RPTOR: variants seen among roughly 807,000 people sequenced by gnomAD.
The protein encoded by RPTOR is regulatory associated protein of MTOR complex 1, also known as regulatory-associated protein of mTOR.
A neutral mutation model predicts 169.9 loss-of-function variants in RPTOR; 21 were observed. The observed-to-expected ratio is 0.12, with a 90% CI of 0.09 to 0.18. The LOEUF is 0.18. Among genes scored for constraint, RPTOR ranks in the 10% least tolerant of loss-of-function variants. The pLI is 1.00. For missense variants in RPTOR, 1,133 were observed against 1,855.9 expected (o/e 0.61, Z 7.16); for synonymous variants, 732 against 753.2 (o/e 0.97, Z 0.46).
At chr17:80,758,773 C>T (rs548193818) in intron 6 of RPTOR, among the ~76,000 whole-genome samples, 121 of 152,188 alleles carry the variant, frequency 8.0e-4, no homozygotes, top group African/African-American at 2.7e-3. Context: ...AGACTCTGCC[C>T]AGAGGCTCTG....
intron 6 of RPTOR, among the ~76,000 whole-genome samples, chr17:80,772,939 G>C (rs997886805): frequency 1.3e-5 from 2 of 152,172 alleles, no homozygotes; most frequent in Non-Finnish European, 2.9e-5. Flanking sequence ...ATTTGAACCG[G>C]GGTTTTCTGA....
intron 3 of RPTOR, among the ~76,000 whole-genome samples, chr17:80,705,418 A>G (rs759219142): frequency 6.6e-6 from 1 of 152,206 alleles, no homozygotes; most frequent in Non-Finnish European, 1.5e-5. Flanking sequence ...CTTTGCTTGC[A>G]GGTACAAAAA....
At chr17:80,669,204 G>A (rs1278383377) in intron 3 of RPTOR, among the ~76,000 whole-genome samples, 1 of 152,226 alleles carries the variant, frequency 6.6e-6, no homozygotes, top group African/African-American at 2.4e-5. Flanking sequence ...TTTCCCAGCT[G>A]CTGCACAGGC....
At chr17:80,846,749 A>T (rs192236733) in intron 11 of RPTOR, among the ~76,000 whole-genome samples, 175 bp downstream of exon 11, 2 of 152,354 alleles carry the variant, frequency 1.3e-5, no homozygotes, top group African/African-American at 2.4e-5. Flanking sequence ...CAAACGGATC[A>T]CACAGATCCA....
intron 6 of RPTOR, among the ~76,000 whole-genome samples, chr17:80,787,980 AT>A (rs1209851230): frequency 6.6e-6 from 1 of 152,132 alleles, no homozygotes; most frequent in Non-Finnish European, 1.5e-5. Context: ...TACTTCATAG[AT>A]CCCCTTCAGC....
At chr17:80,592,657 G>A (rs1406481080) in intron 1 of RPTOR, among the ~76,000 whole-genome samples, 1 of 152,188 alleles carries the variant, frequency 6.6e-6, no homozygotes, top group African/African-American at 2.4e-5. Context: ...CAGAATGGGA[G>A]ATTTATTTGG....
Position 80,957,594 on chromosome 17 carries a change from G to A in RPTOR, c.3371-30G>A, listed in dbSNP as rs202136851. 3.7e-6 allele frequency: 6 copies of A among 1,602,038 alleles called. No homozygotes were observed. The highest frequency in any genetic ancestry group is 2.7e-5 in the African/African-American group (2 of 74,858). On this transcript the variant is annotated intron_variant, in intron 28 of 33. Transcript: ENST00000306801. The surrounding 1 kb of genome is among the most constrained non-coding windows in gnomAD (Gnocchi z 4.6). ...CCTGCCCAAGGCAAGGGCCCATGGG[G>A]TGATGCCATGTCCCACTGTATCTCT... is the stretch of plus-strand genomic sequence containing the variant.
intron 20 of RPTOR, among the ~76,000 whole-genome samples, chr17:80,896,449 GACACCCC>G: frequency 9.4e-6 from 1 of 106,786 alleles, no homozygotes; most frequent in Non-Finnish European, 1.9e-5. Context: ...CGGCCATGCC[GACACCCC>G]ACACGGCCGC....
At chr17:80,952,348 G>A (rs971510005) in intron 28 of RPTOR, among the ~76,000 whole-genome samples, 1 of 152,210 alleles carries the variant, frequency 6.6e-6, no homozygotes, top group Non-Finnish European at 1.5e-5. Context: ...GCTCACGGAG[G>A]GCCCACAGCA....
At chr17:80,772,795 GT>G (rs1283023797) in intron 6 of RPTOR, among the ~76,000 whole-genome samples, 4 of 151,926 alleles carry the variant, frequency 2.6e-5, no homozygotes, top group Non-Finnish European at 5.9e-5. Context: ...AAGACTTTTT[GT>G]TTCTTTTAAT....
At position 80,672,717 on chromosome 17, in the gene RPTOR, G is replaced by A. The variant is rs2065831147; in HGVS notation, c.348+28907G>A. ...AGGCAGGAGAATGGCGTGAACTTGG[G>A]AGGTGAAGCTTTCAGTGAGCCGAGA... On this transcript the variant is annotated intron_variant, in intron 3 of 33. Coordinates refer to ENST00000306801, the MANE Select transcript of RPTOR (RefSeq NM_020761.3). Among the ~76,000 whole-genome samples, 4 of 151,958 alleles carry A rather than the reference G, an allele frequency of 2.6e-5. No homozygotes were observed. In the South Asian group the frequency reaches 8.3e-4, roughly 32 times the overall value.
chr17:80,614,897 A>G (rs1191227837), intron 1 of RPTOR, among the ~76,000 whole-genome samples: 1 of 152,182 alleles, frequency 6.6e-6, no homozygotes, highest in Non-Finnish European at 1.5e-5. Flanking sequence ...GACTTGGAGG[A>G]AACTGCAGTG....
chr17:80,744,749 T>G (rs1461625688), intron 5 of RPTOR, among the ~76,000 whole-genome samples: 3 of 46,888 alleles, frequency 6.4e-5, no homozygotes, highest in African/African-American at 4.0e-4. Context: ...TCCTGGCTAC[T>G]AGCACTGTCC....
chr17:80,825,341 C>T (rs1320197628), intron 9 of RPTOR, among the ~76,000 whole-genome samples: 6 of 152,160 alleles, frequency 3.9e-5, no homozygotes, highest in African/African-American at 1.4e-4. Context: ...CCCACCTCTC[C>T]ATCTAGAGGC....
At chr17:80,848,225 CA>C (rs1343580577) in intron 11 of RPTOR, among the ~76,000 whole-genome samples, 190 of 152,358 alleles carry the variant, frequency 1.2e-3, no homozygotes, top group African/African-American at 4.4e-3. Context: ...GGGGAAGGAT[CA>C]CTTGAGCCCA....
At position 80,820,970 on chromosome 17, in the gene RPTOR, G is replaced by A. The variant is rs762144138; in HGVS notation, c.891-1231G>A. On this transcript the variant is annotated intron_variant, in intron 7 of 33. Transcript: ENST00000306801. This position sits in a 1 kb window ranked among gnomAD's most constrained non-coding sequence, Gnocchi z 4.1. ...TTGGAAATCTTTGTTTGAGACTTCC[G>A]GCATTGTTTGAGCAGCAGTGCTGCT... Among the ~76,000 whole-genome samples the A allele has an allele frequency of 1.3e-5, 2 of 152,318 alleles. No individual in the cohort carries two copies. The highest frequency in any genetic ancestry group is 1.9e-4 in the East Asian group (1 of 5,190).
intron 7 of RPTOR, among the ~76,000 whole-genome samples, chr17:80,814,204 C>T (rs918705585): frequency 6.6e-6 from 1 of 152,138 alleles, no homozygotes; most frequent in Non-Finnish European, 1.5e-5. Context: ...TTGCTGTAGC[C>T]TCCTTCTTAT....
chr17:80,774,315 C>T (rs937261005), intron 6 of RPTOR: 1 of 985,286 alleles, frequency 1.0e-6, no homozygotes, highest in Non-Finnish European at 1.2e-6. Context: ...GAAGTGGAAG[C>T]CGCAATGTCA....
At chr17:80,795,766 C>T (rs146375071) in intron 7 of RPTOR, among the ~76,000 whole-genome samples, 69 of 152,244 alleles carry the variant, frequency 4.5e-4, no homozygotes, top group Admixed American at 1.1e-3. Flanking sequence ...GGGTCTGTCT[C>T]TGTCCTGCAG....
Sources: allele counts gnomAD v4.1 joint callset (sites outside exome capture counted in the v4.1 genomes callset), GRCh38; gene constraint gnomAD v4.1.1; non-coding constraint Gnocchi (gnomAD v3.1); transcripts MANE v1.5; gene names NCBI Gene and HGNC (gene_info 2026-07-23, HGNC 2026-07-21).